The following PTPRK variants were observed in gnomAD, a reference collection of about 807,000 sequenced individuals.
The protein encoded by PTPRK is receptor-type tyrosine-protein phosphatase kappa.
Under a neutral mutation model 178.0 loss-of-function variants are expected in PTPRK, and 75 were observed. The observed-to-expected ratio is 0.42, with a 90% CI of 0.35 to 0.51. PTPRK has a LOEUF of 0.51. Ranked by LOEUF, PTPRK falls within the 20% of genes least tolerant of loss-of-function variation. The pLI, the probability that PTPRK is intolerant of heterozygous loss-of-function variation, is 0.02. For synonymous variants in PTPRK, 637 were observed against 620.6 expected (o/e 1.03, Z -0.39); for missense variants, 1,441 against 1,797.8 (o/e 0.80, Z 3.59).
chr6:128,163,611 G>A (rs375681647), intron 7 of PTPRK, among the ~76,000 whole-genome samples: 59 of 151,468 alleles, frequency 3.9e-4, no homozygotes, highest in African/African-American at 1.4e-3. Context: ...GATCCCTTTG[G>A]CAGTCTACTG....
intron 13 of PTPRK, among the ~76,000 whole-genome samples, chr6:128,056,908 C>G (rs1780002032): frequency 6.6e-6 from 1 of 152,102 alleles, no homozygotes; most frequent in African/African-American, 2.4e-5. Context: ...GGTATACAAT[C>G]TGAATGGCAA....
intron 13 of PTPRK, among the ~76,000 whole-genome samples, chr6:128,030,208 G>A (rs781342402): frequency 6.6e-6 from 1 of 152,140 alleles, no homozygotes; most frequent in South Asian, 2.1e-4. Flanking sequence ...AAGAGAAGTG[G>A]GGGCTGTGAG....
At chr6:128,016,870 G>A (rs1779650717) in intron 13 of PTPRK, among the ~76,000 whole-genome samples, 1 of 151,922 alleles carries the variant, frequency 6.6e-6, no homozygotes, top group Non-Finnish European at 1.5e-5. Flanking sequence ...AGCCACTTCT[G>A]TCCTATATCA....
intron 13 of PTPRK, among the ~76,000 whole-genome samples, chr6:128,058,729 T>A (rs142138329): frequency 1.3e-5 from 2 of 151,930 alleles, no homozygotes; most frequent in African/African-American, 4.8e-5. Flanking sequence ...AAAAATTGTT[T>A]AAATTTTTTT....
chr6:128,196,057 C>A (rs976092615), intron 6 of PTPRK, among the ~76,000 whole-genome samples: 2 of 151,982 alleles, frequency 1.3e-5, no homozygotes, highest in African/African-American at 4.8e-5. Flanking sequence ...ATAAAAAAGT[C>A]AGGTAGACAT....
At chr6:128,325,600 C>T (rs986073446) in intron 2 of PTPRK, among the ~76,000 whole-genome samples, 5 of 151,940 alleles carry the variant, frequency 3.3e-5, no homozygotes, top group African/African-American at 1.2e-4. Context: ...TAGAGAAATG[C>T]AAATCAAAAC....
chr6:128,315,944 G>C (rs971261109), intron 3 of PTPRK, among the ~76,000 whole-genome samples: 3 of 152,094 alleles, frequency 2.0e-5, no homozygotes, highest in African/African-American at 7.2e-5. Context: ...AATTCAAGTT[G>C]TTCAAAAACT....
intron 1 of PTPRK, among the ~76,000 whole-genome samples, chr6:128,515,305 C>T (rs920652559): frequency 7.2e-5 from 11 of 151,920 alleles, no homozygotes; most frequent in African/African-American, 2.7e-4. Flanking sequence ...AAAAAATAGC[C>T]TGATTAATGT....
At chr6:128,296,426 A>C (rs1280043797) in intron 3 of PTPRK, among the ~76,000 whole-genome samples, 2 of 152,152 alleles carry the variant, frequency 1.3e-5, no homozygotes, top group Non-Finnish European at 2.9e-5. Flanking sequence ...TAATTGTCAG[A>C]TTCACCAAAG....
intron 7 of PTPRK, among the ~76,000 whole-genome samples, chr6:128,140,341 A>G (rs781300828): frequency 1.5e-4 from 23 of 151,982 alleles, no homozygotes; most frequent in Non-Finnish European, 2.5e-4. Flanking sequence ...TATAAACATT[A>G]ATTTTTTCCT....
At chr6:128,177,733 G>C (rs541346968) in intron 7 of PTPRK, among the ~76,000 whole-genome samples, 2 of 151,850 alleles carry the variant, frequency 1.3e-5, no homozygotes, top group Admixed American at 6.6e-5. Flanking sequence ...TTTCATATTT[G>C]TTCAACTTTC....
At chr6:128,284,670 AG>A (rs1226327639) in intron 3 of PTPRK, among the ~76,000 whole-genome samples, 3 of 152,350 alleles carry the variant, frequency 2.0e-5, no homozygotes, top group African/African-American at 7.2e-5. Context: ...ATGCATTTAT[AG>A]GACATTTTTT....
intron 7 of PTPRK, among the ~76,000 whole-genome samples, chr6:128,131,700 G>A (rs953446629): frequency 6.6e-6 from 1 of 152,068 alleles, no homozygotes; most frequent in Non-Finnish European, 1.5e-5. Context: ...AAATTAACGA[G>A]GCTCAGTTTT....
chr6:127,991,698 G>A (rs3903662), intron 19 of PTPRK, among the ~76,000 whole-genome samples: 58,086 of 149,330 alleles, frequency 0.39, 11,193 homozygotes, highest in East Asian at 0.44. Context: ...CTTCAAATAT[G>A]TGTAAAAAAT....
intron 11 of PTPRK, among the ~76,000 whole-genome samples, chr6:128,069,903 C>T (rs1782524297): frequency 6.6e-6 from 1 of 152,156 alleles, no homozygotes; most frequent in Non-Finnish European, 1.5e-5. Flanking sequence ...GTGCAATAGG[C>T]TCTTTGGGAA....
At chr6:128,415,530 C>G (rs893649972) in intron 1 of PTPRK, among the ~76,000 whole-genome samples, 5 of 150,548 alleles carry the variant, frequency 3.3e-5, no homozygotes, top group African/African-American at 1.2e-4. Context: ...ATTATTCTCA[C>G]AAATCACTTC....
intron 1 of PTPRK, among the ~76,000 whole-genome samples, chr6:128,492,574 C>A (rs976979663): frequency 1.1e-4 from 16 of 152,062 alleles, no homozygotes; most frequent in African/African-American, 3.9e-4. Flanking sequence ...AACATGGAGA[C>A]ACAATAATAT....
At chr6:128,451,000 G>A (rs1226110641) in intron 1 of PTPRK, among the ~76,000 whole-genome samples, 1 of 152,082 alleles carries the variant, frequency 6.6e-6, no homozygotes, top group Non-Finnish European at 1.5e-5. Flanking sequence ...CATGACCAAC[G>A]TTTAAAATGA....
intron 7 of PTPRK, among the ~76,000 whole-genome samples, chr6:128,178,693 A>G (rs534137735): frequency 6.6e-6 from 1 of 151,592 alleles, no homozygotes; most frequent in Non-Finnish European, 1.5e-5. Context: ...CTATCTATCT[A>G]TCTATCTATA....
Sources: gnomAD v4.1 joint callset for allele counts (sites outside exome capture counted in the v4.1 genomes callset) on GRCh38, gnomAD v4.1.1 for gene constraint, MANE v1.5 for transcripts, NCBI Gene and HGNC (gene_info 2026-07-23, HGNC 2026-07-21) for gene names.